The following GRAMD1C variants were observed in gnomAD, a reference collection of about 807,000 sequenced individuals.
The protein encoded by GRAMD1C is protein Aster-C.
GRAMD1C carries 89 observed loss-of-function variants against 97.8 expected under a neutral mutation model. The observed-to-expected ratio is 0.91, with a 90% CI of 0.77 to 1.09. GRAMD1C has a LOEUF of 1.09. Among genes scored for constraint, GRAMD1C ranks in the 50% least tolerant of loss-of-function variants. The probability of loss-of-function intolerance (pLI) is 0.00; values close to 1 mark genes in which losing one functional copy is unlikely to be tolerated. For synonymous variants in GRAMD1C, 256 were observed against 267.0 expected, an observed-to-expected ratio of 0.96 and a Z score of 0.40; for missense variants, 740 against 766.4, an observed-to-expected ratio of 0.97 and a Z score of 0.41.
chr3:113,884,845 GA>G (rs1278760672), intron 6 of GRAMD1C, among the ~76,000 whole-genome samples: 29 of 136,176 alleles, frequency 2.1e-4, no homozygotes, highest in Non-Finnish European at 2.4e-4. Context: ...TCAAAAAAAA[GA>G]AAAAAAAAAA....
intron 17 of GRAMD1C, among the ~76,000 whole-genome samples, chr3:113,940,649 ATCTT>A (rs5851909): frequency 0.26 from 39,184 of 151,786 alleles, 5,816 homozygotes; most frequent in Middle Eastern, 0.4. Flanking sequence ...ATTTTTATTG[ATCTT>A]TCTAAATAAA....
intron 6 of GRAMD1C, among the ~76,000 whole-genome samples, chr3:113,888,227 A>G (rs1479192703): frequency 6.6e-6 from 1 of 152,214 alleles, no homozygotes; most frequent in Admixed American, 6.5e-5. Context: ...CCTCAACAAA[A>G]TATTAGCAAA....
At position 113,876,155 on chromosome 3, in the gene GRAMD1C, G is replaced by T; in HGVS notation, c.364-10G>T. On this transcript the variant is annotated splice_polypyrimidine_tract_variant and intron_variant, in intron 4 of 17. Transcript: ENST00000358160. ...GAAAAATACATTAAAAAAATTTTTT[G>T]TGTGTTTAGATTTCTATTGCTTTAA... 2 of 1,391,792 alleles carry T rather than the reference G, an allele frequency of 1.4e-6. No individual in the cohort carries two copies. Among genetic ancestry groups the T allele is most frequent in the East Asian group, 2.3e-5 (1 of 43,694 alleles). The allele number at this position is 1,391,792 out of a possible 1,614,324, so 86.2% of individuals were successfully genotyped here. A position where few individuals can be genotyped will look rare whatever the true frequency, so the allele number is the denominator to read the frequency against.
At chr3:113,833,120 C>CTTTTTTTTTTTTTTTT (rs200062835) in intron 1 of GRAMD1C, among the ~76,000 whole-genome samples, 4 of 129,470 alleles carry the variant, frequency 3.1e-5, no homozygotes, top group Admixed American at 8.4e-5. Flanking sequence ...TTCTTTCTTT[C>CTTTTTTTTTTTTTTTT]TTTTTTTTTT....
intron 1 of GRAMD1C, among the ~76,000 whole-genome samples, chr3:113,839,657 A>G (rs1183096811): frequency 1.3e-5 from 2 of 152,220 alleles, no homozygotes; most frequent in African/African-American, 4.8e-5. Context: ...GAAATAGTCA[A>G]GCTGGATATT....
intron 2 of GRAMD1C, among the ~76,000 whole-genome samples, chr3:113,866,145 G>A (rs1405933715): frequency 6.6e-6 from 1 of 152,138 alleles, no homozygotes; most frequent in Admixed American, 6.6e-5. Context: ...GGTTTTCTGT[G>A]TAGTCATTCT....
chr3:113,907,371 T>C (rs1333797333), intron 8 of GRAMD1C, among the ~76,000 whole-genome samples: 1 of 152,354 alleles, frequency 6.6e-6, no homozygotes, highest in South Asian at 2.1e-4. Context: ...GCAAAACTTA[T>C]TCATCTAGAG....
At chr3:113,850,154 T>C (rs1248545953) in intron 2 of GRAMD1C, 6 of 413,568 alleles carry the variant, frequency 1.5e-5, no homozygotes, top group East Asian at 1.4e-4. Flanking sequence ...TTAAGATCTT[T>C]AAAAATATTT....
intron 9 of GRAMD1C, among the ~76,000 whole-genome samples, chr3:113,911,035 A>G (rs945526024): frequency 6.6e-6 from 1 of 152,192 alleles, no homozygotes; most frequent in African/African-American, 2.4e-5. Context: ...GGTTTGGCAG[A>G]GTTGGTTTCT....
chr3:113,905,341 TAATG>T (rs1023954776), intron 8 of GRAMD1C, among the ~76,000 whole-genome samples: 1 of 152,218 alleles, frequency 6.6e-6, no homozygotes, highest in Non-Finnish European at 1.5e-5. Flanking sequence ...ACCGTTTTCT[TAATG>T]AACCATAGAT....
chr3:113,921,698 C>T (rs1022753589), intron 10 of GRAMD1C, among the ~76,000 whole-genome samples: 2 of 152,194 alleles, frequency 1.3e-5, no homozygotes, highest in Non-Finnish European at 1.5e-5. Context: ...ATTTGCATTT[C>T]TCTAGTGATT....
At chr3:113,904,889 C>T (rs1025603044) in intron 8 of GRAMD1C, among the ~76,000 whole-genome samples, 3 of 152,250 alleles carry the variant, frequency 2.0e-5, no homozygotes, top group Non-Finnish European at 2.9e-5. Flanking sequence ...GGCTGGAGTG[C>T]AATGGCATGA....
intron 5 of GRAMD1C, among the ~76,000 whole-genome samples, chr3:113,878,541 C>A (rs1935137621): frequency 6.6e-6 from 1 of 152,148 alleles, no homozygotes; most frequent in Non-Finnish European, 1.5e-5. Flanking sequence ...ATAATGCATA[C>A]ACATATATAC....
intron 2 of GRAMD1C, among the ~76,000 whole-genome samples, chr3:113,868,826 A>C (rs964042326): frequency 6.6e-6 from 1 of 152,186 alleles, no homozygotes; most frequent in Non-Finnish European, 1.5e-5. Flanking sequence ...TGTGTTACGC[A>C]CATTGGAGCT....
chr3:113,844,351 C>A, intron 1 of GRAMD1C, 152 bp from the exon 2 acceptor site: 1 of 475,132 alleles, frequency 2.1e-6, no homozygotes. Context: ...ACTAGATGAA[C>A]TATTGAAGCA....
intron 6 of GRAMD1C, chr3:113,885,618 G>C: frequency 6.6e-7 from 1 of 1,508,388 alleles, no homozygotes; most frequent in Non-Finnish European, 9.2e-7. Flanking sequence ...CCGGTTTTTT[G>C]TACGTAAGAG....
intron 1 of GRAMD1C, among the ~76,000 whole-genome samples, chr3:113,842,938 A>G (rs62265385): frequency 0.47 from 69,924 of 150,326 alleles, 16,452 homozygotes; most frequent in African/African-American, 0.51. Flanking sequence ...ACTCGAGCCT[A>G]GGCGACAGAG....
chr3:113,923,618 C>G (rs1410287312), intron 10 of GRAMD1C, among the ~76,000 whole-genome samples: 2 of 152,148 alleles, frequency 1.3e-5, no homozygotes, highest in Admixed American at 1.3e-4. Flanking sequence ...GGGATAAAGC[C>G]TACTTTATTG....
chr3:113,925,026 C>A (rs1937186635), intron 10 of GRAMD1C, among the ~76,000 whole-genome samples: 1 of 151,986 alleles, frequency 6.6e-6, no homozygotes, highest in African/African-American at 2.4e-5. Context: ...TATGTAATGC[C>A]CTTATTTGTC....
Sources: gnomAD v4.1 joint callset for allele counts (sites outside exome capture counted in the v4.1 genomes callset) on GRCh38, gnomAD v4.1.1 for gene constraint, MANE v1.5 for transcripts, NCBI Gene and HGNC (gene_info 2026-07-23, HGNC 2026-07-21) for gene names.